Variants in NIPBL observed in about 807,000 individuals in gnomAD.
The protein encoded by NIPBL is NIPBL cohesin loading factor.
NIPBL carries 19 observed loss-of-function variants against 321.8 expected under a neutral mutation model. The ratio of observed to expected loss-of-function variants is 0.06; its 90% CI spans 0.04 to 0.09. NIPBL has a LOEUF of 0.09. Ranked by LOEUF, NIPBL falls within the 10% of genes least tolerant of loss-of-function variation. The pLI is 1.00. For missense variants in NIPBL, 2,210 were observed against 3,327.0 expected (o/e 0.66, Z 8.26); for synonymous variants, 1,106 against 1,114.1 (o/e 0.99, Z 0.14).
chr5:36,987,155 C>T (rs1310220543), intron 10 of NIPBL, among the ~76,000 whole-genome samples: 2 of 152,166 alleles, frequency 1.3e-5, no homozygotes, highest in African/African-American at 4.8e-5. Context: ...GCTGGGATTA[C>T]AGGCGTGAGC....
chr5:37,003,333 A>T lies in NIPBL; in HGVS notation c.3841A>T (p.Thr1281Ser). 6.3e-7 allele frequency: 1 copy of T among 1,595,306 alleles called. No homozygotes were observed. The highest frequency in any genetic ancestry group is 1.1e-5 in the South Asian group (1 of 90,456). Residue 1281 changes from threonine to serine, a missense_variant, in exon 16 of 47, where the codon ACT becomes TCT. Coordinates refer to ENST00000282516, the MANE Select transcript of NIPBL (RefSeq NM_133433.4). ...TATTCAGGATGGGTCAAAGCTTTCC[A>T]CTTTGTTAAATCATGTAAGTTTAAG... is the stretch of plus-strand genomic sequence containing the variant. ...KNIQDGSKLS[T>S]LLNHNNDTEE...
At chr5:36,938,202 C>CT (rs545803886) in intron 1 of NIPBL, among the ~76,000 whole-genome samples, 131 of 152,222 alleles carry the variant, frequency 8.6e-4, no homozygotes, top group African/African-American at 3.1e-3. Context: ...AAGACCATGT[C>CT]CAGCCTGGCC....
chr5:36,889,400 A>G (rs1483777228), intron 1 of NIPBL, among the ~76,000 whole-genome samples: 4 of 152,264 alleles, frequency 2.6e-5, no homozygotes, highest in East Asian at 3.9e-4. Context: ...AATGATCTGC[A>G]TAATCCAGAT....
intron 8 of NIPBL, among the ~76,000 whole-genome samples, chr5:36,972,530 A>T (rs2149622776): frequency 6.6e-6 from 1 of 152,004 alleles, no homozygotes; most frequent in South Asian, 2.1e-4. Flanking sequence ...TGGCCGTTTT[A>T]TTAAGTTTCA....
At chr5:37,009,845 A>G (rs111753396) in intron 20 of NIPBL, among the ~76,000 whole-genome samples, 1 of 152,260 alleles carries the variant, frequency 6.6e-6, no homozygotes, top group Non-Finnish European at 1.5e-5. Flanking sequence ...TATGTAAAGC[A>G]TACAAATTTG....
intron 1 of NIPBL, among the ~76,000 whole-genome samples, chr5:36,923,900 CT>C (rs965097431): frequency 6.6e-6 from 1 of 152,170 alleles, no homozygotes; most frequent in Admixed American, 6.5e-5. Flanking sequence ...GCAAGATGCA[CT>C]TTTGAGTGAA....
intron 1 of NIPBL, among the ~76,000 whole-genome samples, chr5:36,938,762 C>A (rs1738741285): frequency 6.6e-6 from 1 of 152,130 alleles, no homozygotes; most frequent in Admixed American, 6.5e-5. Flanking sequence ...CAGCTTCTCA[C>A]AATAATACAA....
chr5:36,995,890 C>T (rs1182016274), intron 11 of NIPBL, 86 bp downstream of exon 11: 1 of 1,194,770 alleles, frequency 8.4e-7, no homozygotes, highest in Non-Finnish European at 1.2e-6. Context: ...GGGGGTTTAG[C>T]AAAAGCACAG....
chr5:36,929,171 C>CT (rs1264977956), intron 1 of NIPBL, among the ~76,000 whole-genome samples: 1 of 151,982 alleles, frequency 6.6e-6, no homozygotes, highest in Non-Finnish European at 1.5e-5. Context: ...TTAATAGTGT[C>CT]TTTTTTTATA....
intron 9 of NIPBL, among the ~76,000 whole-genome samples, chr5:36,978,962 C>T (rs1743833881): frequency 6.6e-6 from 1 of 151,914 alleles, no homozygotes; most frequent in Non-Finnish European, 1.5e-5. Flanking sequence ...TATTTTTATA[C>T]CAGTACCATG....
intron 9 of NIPBL, among the ~76,000 whole-genome samples, chr5:36,977,894 A>G (rs1324058758): frequency 6.6e-6 from 1 of 151,882 alleles, no homozygotes; most frequent in Non-Finnish European, 1.5e-5. Context: ...CACTTAGGGT[A>G]GATAATGGCC....
intron 1 of NIPBL, among the ~76,000 whole-genome samples, chr5:36,934,029 T>A (rs1749978332): frequency 6.6e-6 from 1 of 152,106 alleles, no homozygotes; most frequent in Non-Finnish European, 1.5e-5. Flanking sequence ...CATGTAAAGA[T>A]CATGGTATTA....
chr5:37,026,185 G>T (rs760071288), intron 30 of NIPBL, 44 bp from the exon 31 acceptor site: 12 of 1,137,282 alleles, frequency 1.1e-5, no homozygotes, highest in Non-Finnish European at 1.6e-5. Flanking sequence ...TGAAATTGCC[G>T]TATTTGTTAT....
chr5:37,019,233 GA>G, intron 24 of NIPBL, 77 bp from the exon 25 acceptor site: 2 of 936,996 alleles, frequency 2.1e-6, no homozygotes, highest in South Asian at 2.7e-5. Context: ...TTTTCCTTCA[GA>G]TTTGTGTTTA....
chr5:36,928,934 GT>G (rs1749565409), intron 1 of NIPBL, among the ~76,000 whole-genome samples: 1 of 152,062 alleles, frequency 6.6e-6, no homozygotes, highest in East Asian at 1.9e-4. Flanking sequence ...ATAATTTCCA[GT>G]TTTTTACTTT....
chr5:36,968,113 A>C (rs1445703121), intron 6 of NIPBL, among the ~76,000 whole-genome samples: 27 of 89,532 alleles, frequency 3.0e-4, no homozygotes, highest in South Asian at 1.4e-3. Flanking sequence ...AAAAAAAAAC[A>C]AAAAACAAAA....
intron 34 of NIPBL, among the ~76,000 whole-genome samples, chr5:37,043,868 C>CT (rs1561204556): frequency 6.6e-6 from 1 of 152,212 alleles, no homozygotes. Context: ...TCCCTGGCCT[C>CT]TATCCACTAG....
chr5:36,914,801 A>G (rs1196564948), intron 1 of NIPBL, among the ~76,000 whole-genome samples: 5 of 152,218 alleles, frequency 3.3e-5, no homozygotes, highest in Admixed American at 3.3e-4. Context: ...AAACTATATA[A>G]TAAATGTAAA....
chr5:37,041,997 A>T (rs1272076357), intron 34 of NIPBL, among the ~76,000 whole-genome samples: 1 of 152,238 alleles, frequency 6.6e-6, no homozygotes, highest in Non-Finnish European at 1.5e-5. Context: ...TATGCTACTT[A>T]AAAAGAATTT....
Sources: allele counts gnomAD v4.1 joint callset (sites outside exome capture counted in the v4.1 genomes callset), GRCh38; gene constraint gnomAD v4.1.1; transcripts MANE v1.5; gene names NCBI Gene and HGNC (gene_info 2026-07-23, HGNC 2026-07-21).